Variants in BTG4 observed in about 807,000 individuals in gnomAD.
BTG4 encodes BTG anti-proliferation factor 4, also known as protein BTG4.
In BTG4, 10 loss-of-function variants were observed where a neutral mutation model predicts 19.3. The observed-to-expected ratio is 0.52, with a 90% CI of 0.32 to 0.88. BTG4 has a LOEUF of 0.88. Among genes scored for constraint, BTG4 ranks in the 40% least tolerant of loss-of-function variants. BTG4 has a pLI of 0.04. For synonymous variants in BTG4, 91 were observed against 95.7 expected (o/e 0.95, Z 0.29); for missense variants, 238 against 281.9 (o/e 0.84, Z 1.11).
the BTG4 span, among the ~76,000 whole-genome samples, chr11:111,413,425 T>C: frequency 5.9e-5 from 9 of 152,370 alleles, no homozygotes; most frequent in African/African-American, 2.2e-4. Flanking sequence ...CCTTGGTGAA[T>C]GCCCACATAG....
chr11:111,419,846 G>T, the BTG4 span, among the ~76,000 whole-genome samples: 1 of 152,238 alleles, frequency 6.6e-6, no homozygotes, highest in East Asian at 1.9e-4. Flanking sequence ...AGTTCCCAGA[G>T]TCACTCTTCA....
chr11:111,505,665 C>T (rs1368087071), intron 1 of BTG4, among the ~76,000 whole-genome samples: 1 of 151,732 alleles, frequency 6.6e-6, no homozygotes, highest in African/African-American at 2.4e-5. Context: ...CACAGCAAAA[C>T]AAATAATCAA....
chr11:111,466,364 T>A (rs1374136522), downstream of BTG4, among the ~76,000 whole-genome samples: 1 of 152,248 alleles, frequency 6.6e-6, no homozygotes, highest in African/African-American at 2.4e-5. Context: ...GAAGTAAGAT[T>A]CTTAAATATA....
the BTG4 span, among the ~76,000 whole-genome samples, chr11:111,391,673 T>TTTCCAATTGTG: frequency 6.6e-6 from 1 of 152,088 alleles, no homozygotes. Flanking sequence ...TGGAAATGTG[T>TTTCCAATTGTG]TTCCAATTGT....
At chr11:111,414,296 G>A in the BTG4 span, 1 of 152,174 alleles carries the variant, frequency 6.6e-6, no homozygotes, top group Non-Finnish European at 1.5e-5. Context: ...AACAAAACCA[G>A]AGCCCTCAGT....
the BTG4 span, among the ~76,000 whole-genome samples, chr11:111,411,285 T>G: frequency 6.6e-6 from 1 of 152,098 alleles, no homozygotes; most frequent in Non-Finnish European, 1.5e-5. Context: ...CCTTCTACTC[T>G]CCTCCTGTTC....
the BTG4 span, among the ~76,000 whole-genome samples, chr11:111,453,137 T>C: frequency 1.3e-5 from 2 of 152,120 alleles, no homozygotes; most frequent in Admixed American, 1.3e-4. Context: ...GCTAAGAAGT[T>C]TGGACTCTAA....
At chr11:111,426,334 T>C in the BTG4 span, among the ~76,000 whole-genome samples, 1 of 151,908 alleles carries the variant, frequency 6.6e-6, no homozygotes, top group Non-Finnish European at 1.5e-5. Flanking sequence ...ATTGTATAGA[T>C]CCTCCTGGCA....
rs150474228 is a variant in BTG4, at chr11:111,495,279, T to C, written c.546A>G (p.Leu182=). ...ENLKQPFQSW[L]QIPRKKNVVD... Reference sequence around the variant, plus strand: ...CCACATTCTTTTTGCGGGGGATTTGTAACCAAGATTGAAAGGGCTGTTTCA... The same window carrying C: ...CCACATTCTTTTTGCGGGGGATTTGCAACCAAGATTGAAAGGGCTGTTTCA... Residue 182 remains leucine (L), a synonymous_variant, in exon 5 of 5, where the codon TTA becomes TTG. Transcript: ENST00000692032. 78 of 1,611,612 alleles carry C rather than the reference T, an allele frequency of 4.8e-5. No homozygotes were observed. In the African/African-American group the frequency reaches 1.0e-3, roughly 21 times the overall value.
the BTG4 span, among the ~76,000 whole-genome samples, chr11:111,396,345 C>A: frequency 6.6e-6 from 1 of 152,198 alleles, no homozygotes; most frequent in Non-Finnish European, 1.5e-5. Flanking sequence ...CACAGCACTC[C>A]CTGTCCCCTC....
At chr11:111,404,623 T>C in the BTG4 span, 1 of 456,214 alleles carries the variant, frequency 2.2e-6, no homozygotes, top group Non-Finnish European at 4.4e-6. Context: ...TTACCTACCA[T>C]CTCTGATGAA....
At chr11:111,507,145 G>A (rs1240358016) in intron 1 of BTG4, among the ~76,000 whole-genome samples, 1 of 151,730 alleles carries the variant, frequency 6.6e-6, no homozygotes, top group Non-Finnish European at 1.5e-5. Context: ...ACAGAGTGAT[G>A]TTTAAGAGGA....
At chr11:111,413,386 C>T in the BTG4 span, among the ~76,000 whole-genome samples, 711 of 152,368 alleles carry the variant, frequency 4.7e-3, 7 homozygotes, top group African/African-American at 0.016. Context: ...ATGCACACGC[C>T]GGTTTGAGAA....
the BTG4 span, chr11:111,385,130 A>G: frequency 2.0e-5 from 3 of 152,146 alleles, no homozygotes; most frequent in African/African-American, 2.4e-5. Flanking sequence ...ACTTTTAAAC[A>G]TTCTGTTTAA....
chr11:111,465,668 A>G (rs1863677771), downstream of BTG4, among the ~76,000 whole-genome samples: 1 of 152,180 alleles, frequency 6.6e-6, no homozygotes, highest in African/African-American at 2.4e-5. Context: ...CCTCAAATGA[A>G]AAGTTGTTCA....
rs766203310 is a variant in BTG4, at chr11:111,495,234, G to A, written c.591C>T (p.Leu197=). The A allele has an allele frequency of 1.2e-6, 2 of 1,612,922 alleles. No homozygotes were observed. The highest frequency in any genetic ancestry group is 1.7e-6 in the Non-Finnish European group (2 of 1,179,590). The part of the protein sequence containing the change: ...KKNVVDGRVG[L]LGNTYHGSQK... Reference sequence around the variant, plus strand: ...GCGAGCCATGGTAAGTGTTTCCCAGGAGGCCAACACGGCCGTCCACCACAT... The same window carrying A: ...GCGAGCCATGGTAAGTGTTTCCCAGAAGGCCAACACGGCCGTCCACCACAT... The change falls in exon 5 of 5, where the codon CTC becomes CTT. Residue 197 remains leucine, a synonymous_variant. Transcript: ENST00000692032.
intron 5 of BTG4, among the ~76,000 whole-genome samples, chr11:111,489,143 CAA>C (rs34189492): frequency 1.5e-5 from 2 of 137,054 alleles, no homozygotes; most frequent in African/African-American, 2.7e-5. Flanking sequence ...AACTCCATCT[CAA>C]AAAAAAAAAA....
chr11:111,391,572 G>A, the BTG4 span, among the ~76,000 whole-genome samples: 1 of 152,098 alleles, frequency 6.6e-6, no homozygotes, highest in Admixed American at 6.5e-5. Flanking sequence ...TATGCCTGAG[G>A]CCTCTCACAT....
the BTG4 span, among the ~76,000 whole-genome samples, chr11:111,451,936 G>A: frequency 6.6e-6 from 1 of 152,186 alleles, no homozygotes; most frequent in Non-Finnish European, 1.5e-5. Flanking sequence ...GGAAGGTTGA[G>A]AGGATGGGAA....
Sources: allele counts gnomAD v4.1 joint callset (sites outside exome capture counted in the v4.1 genomes callset), GRCh38; gene constraint gnomAD v4.1.1; transcripts MANE v1.5; gene names NCBI Gene and HGNC (gene_info 2026-07-23, HGNC 2026-07-21).